The following CUL5 variants were observed in gnomAD, a reference collection of about 807,000 sequenced individuals.
CUL5 encodes cullin 5, also known as cullin-5.
A neutral mutation model predicts 108.8 loss-of-function variants in CUL5; 26 were observed. The observed-to-expected ratio is 0.24, with a 90% CI of 0.18 to 0.33. The LOEUF (loss-of-function observed/expected upper bound fraction) is 0.33. Ranked by LOEUF, CUL5 falls within the 10% of genes least tolerant of loss-of-function variation. The pLI, the probability that CUL5 is intolerant of heterozygous loss-of-function variation, is 1.00. For missense variants in CUL5, 524 were observed against 909.2 expected (o/e 0.58, Z 5.45); for synonymous variants, 334 against 298.0 (o/e 1.12, Z -1.25).
Position 108,072,383 on chromosome 11 carries a change from C to T in CUL5, c.926C>T (p.Pro309Leu). The T allele has an allele frequency of 6.2e-7, 1 of 1,611,548 alleles. No individual in the cohort carries two copies. Among genetic ancestry groups the T allele is most frequent in the Non-Finnish European group, 8.5e-7 (1 of 1,178,240 alleles). Reference protein sequence around the residue: ...LMDKVPNGIEPMLKDLEEHII... With the variant: ...LMDKVPNGIELMLKDLEEHII... ...GACAAAGTTCCTAATGGTATAGAGC[C>T]AATGTTGAAAGACTTGGAGGAACAT... The change falls in exon 9 of 19, where the codon CCA becomes CTA. Residue 309 changes from proline to leucine, a missense_variant. Physicochemically the swap from Pro to Leu is moderately conservative, Grantham distance 98. Transcript: ENST00000393094.
At chr11:108,098,573 G>GT (rs11302777) in intron 18 of CUL5, 44 bp downstream of exon 18, 25,763 of 1,050,918 alleles carry the variant, frequency 0.025, 13 homozygotes, top group African/African-American at 0.044. Context: ...AAAAACTTTA[G>GT]TTTTTTTTTT....
At chr11:108,076,700 G>A (rs989251436) in intron 10 of CUL5, among the ~76,000 whole-genome samples, 3 of 152,126 alleles carry the variant, frequency 2.0e-5, no homozygotes, top group East Asian at 3.8e-4. Context: ...TTGTGAAGTG[G>A]TGATTTCATT....
At chr11:108,028,893 C>T (rs1030107701) in intron 1 of CUL5, among the ~76,000 whole-genome samples, 5 of 152,278 alleles carry the variant, frequency 3.3e-5, no homozygotes, top group Admixed American at 3.3e-4. Flanking sequence ...CTTCATCTCA[C>T]TTATAGTAGA....
chr11:108,048,648 C>CTTTTTTTTTTTTTTTT lies in CUL5; in HGVS notation c.235-1221_235-1206dup, dbSNP rs200991204. 8.2e-4 allele frequency among the ~76,000 whole-genome samples: 96 copies of CTTTTTTTTTTTTTTTT among 116,844 alleles called. 3 individuals carry two copies. Among genetic ancestry groups the CTTTTTTTTTTTTTTTT allele is most frequent in the South Asian group, 1.9e-3 (7 of 3,728 alleles). 76.7% of individuals were successfully genotyped at this position (116,844 alleles called of 152,430 possible). On this transcript the variant is annotated intron_variant, in intron 3 of 18. Transcript: ENST00000393094. ...ATAGTGGGGAAATAGACTCCACCACCTTTTTTTTTTTTTTTTTTTTTTTTT... is the reference window on the plus strand; with the variant it reads ...ATAGTGGGGAAATAGACTCCACCACCTTTTTTTTTTTTTTTTTTTTTTTTTTTTTTTTTTTTTTTTT...
rs537658328 is a variant in CUL5 at position 108,048,251 on chromosome 11, CA to C, written c.235-1629del. 5.9e-4 allele frequency among the ~76,000 whole-genome samples: 84 copies of C among 141,460 alleles called. No individual in the cohort carries two copies. The East Asian group carries it at 0.011, about 19-fold the overall frequency. 92.8% of individuals were successfully genotyped at this position (141,460 alleles called of 152,430 possible). A position where few individuals can be genotyped will look rare whatever the true frequency, so the allele number is the denominator to read the frequency against. ...AATGTTTATAACATTTTTTAAAGAACAAAAAAAAAAGTAAAAATAATAAACA... is the reference window on the plus strand; with the variant it reads ...AATGTTTATAACATTTTTTAAAGAACAAAAAAAAAGTAAAAATAATAAACA... On this transcript the variant is annotated intron_variant, in intron 3 of 18. Transcript: ENST00000393094.
At chr11:108,068,838 A>G (rs536494677) in intron 7 of CUL5, among the ~76,000 whole-genome samples, 1 of 152,302 alleles carries the variant, frequency 6.6e-6, no homozygotes, top group Admixed American at 6.5e-5. Context: ...CTTACCTGAA[A>G]TAGTTCAACA....
intron 9 of CUL5, among the ~76,000 whole-genome samples, chr11:108,072,838 A>AAT (rs1863857826): frequency 6.6e-6 from 1 of 152,212 alleles, no homozygotes; most frequent in African/African-American, 2.4e-5. Context: ...GTTGATTACA[A>AAT]ATAAAAACAT....
intron 13 of CUL5, 145 bp from the exon 14 acceptor site, chr11:108,094,246 A>G (rs1037441286): frequency 2.0e-5 from 11 of 555,722 alleles, no homozygotes; most frequent in Admixed American, 3.8e-5. Context: ...AGCAAATTTC[A>G]TAGGTATTAG....
At chr11:108,090,261 G>A (rs903803464) in intron 13 of CUL5, among the ~76,000 whole-genome samples, 2 of 152,148 alleles carry the variant, frequency 1.3e-5, no homozygotes, top group Admixed American at 1.3e-4. Context: ...GGCCAAGGCA[G>A]GTGGATCACA....
intron 13 of CUL5, among the ~76,000 whole-genome samples, chr11:108,091,548 G>A (rs1162013657): frequency 6.6e-6 from 1 of 151,720 alleles, no homozygotes; most frequent in Non-Finnish European, 1.5e-5. Context: ...AAATTAGCTG[G>A]GTGTGATGGC....
chr11:108,074,661 C>T (rs927676651), intron 10 of CUL5, among the ~76,000 whole-genome samples: 1 of 151,998 alleles, frequency 6.6e-6, no homozygotes, highest in African/African-American at 2.4e-5. Flanking sequence ...GAAAAATTAG[C>T]TGGACGTGGT....
At chr11:108,082,603 G>T (rs1409893294) in intron 11 of CUL5, among the ~76,000 whole-genome samples, 1 of 151,716 alleles carries the variant, frequency 6.6e-6, no homozygotes, top group African/African-American at 2.4e-5. Flanking sequence ...ATTTTCTTCT[G>T]GATTGTTCCT....
At chr11:108,042,004 G>A (rs73555391) in intron 2 of CUL5, among the ~76,000 whole-genome samples, 20,227 of 152,134 alleles carry the variant, frequency 0.13, 1,439 homozygotes, top group African/African-American at 0.19. Flanking sequence ...AATAAAAGAT[G>A]ATGGGGACTA....
rs537614699 is a variant in CUL5 at position 108,009,018 on chromosome 11, A to G, written c.-331A>G. 65 of 391,798 alleles carry G rather than the reference A, an allele frequency of 1.7e-4. No individual in the cohort carries two copies. The highest frequency in any genetic ancestry group is 1.2e-3 in the African/African-American group (56 of 48,136). 24.3% of individuals were successfully genotyped at this position (391,798 alleles called of 1,614,324 possible). On this transcript the variant is annotated 5_prime_UTR_variant, in exon 1 of 19. Coordinates refer to ENST00000393094, the MANE Select transcript of CUL5 (RefSeq NM_003478.6). ...GCAACCACAAAGGCTAATCCGAAGGAGTCGGGGAGGCTCGTGGAGTCGATG... is the reference window on the plus strand; with the variant it reads ...GCAACCACAAAGGCTAATCCGAAGGGGTCGGGGAGGCTCGTGGAGTCGATG...
At chr11:108,054,983 A>G (rs774150726) in intron 7 of CUL5, 28 bp downstream of exon 7, 8 of 1,460,902 alleles carry the variant, frequency 5.5e-6, no homozygotes, top group Non-Finnish European at 7.6e-6. Context: ...TGTACATTTT[A>G]TGGGATTATT....
At chr11:108,027,390 G>C (rs1862478131) in intron 1 of CUL5, among the ~76,000 whole-genome samples, 1 of 151,842 alleles carries the variant, frequency 6.6e-6, no homozygotes, top group South Asian at 2.1e-4. Context: ...TCCCACCTCA[G>C]CCTCCTGAGT....
chr11:108,014,686 A>G (rs1565481885), intron 1 of CUL5, among the ~76,000 whole-genome samples: 1 of 152,206 alleles, frequency 6.6e-6, no homozygotes, highest in Non-Finnish European at 1.5e-5. Context: ...ACATTTATTC[A>G]TTGAACGAGA....
chr11:108,096,328 T>TAA (rs71047670), intron 16 of CUL5, among the ~76,000 whole-genome samples: 115 of 119,988 alleles, frequency 9.6e-4, no homozygotes, highest in East Asian at 4.0e-3. Context: ...ATCCCATCTC[T>TAA]AAAAAAAAAA....
intron 7 of CUL5, among the ~76,000 whole-genome samples, chr11:108,063,078 C>T (rs1415395303): frequency 6.6e-6 from 1 of 152,158 alleles, no homozygotes; most frequent in Non-Finnish European, 1.5e-5. Context: ...CTCCTGACCT[C>T]AGGCAATCCA....
Sources: allele counts gnomAD v4.1 joint callset (sites outside exome capture counted in the v4.1 genomes callset), GRCh38; gene constraint gnomAD v4.1.1; transcripts MANE v1.5; gene names NCBI Gene and HGNC (gene_info 2026-07-23, HGNC 2026-07-21).